IGSF11: variants seen among roughly 807,000 people sequenced by gnomAD.
IGSF11 encodes the protein CXADR like 1.
In IGSF11, 22 loss-of-function variants were observed where a neutral mutation model predicts 41.0. The observed-to-expected ratio is 0.54, with a 90% CI of 0.38 to 0.77. The LOEUF (loss-of-function observed/expected upper bound fraction) is 0.77, where lower values mean the gene tolerates loss of function less well. Among genes scored for constraint, IGSF11 ranks in the 30% least tolerant of loss-of-function variants. IGSF11 has a pLI of 0.00. For synonymous variants in IGSF11, 219 were observed against 201.3 expected (o/e 1.09, Z -0.74); for missense variants, 444 against 530.8 (o/e 0.84, Z 1.61).
At chr3:119,013,252 TC>T (rs1234343622) in intron 1 of IGSF11, 7 of 152,246 alleles carry the variant, frequency 4.6e-5, no homozygotes, top group Admixed American at 1.3e-4. Flanking sequence ...TTGCAAGACT[TC>T]CTTTGGTGAT....
At chr3:118,930,033 T>G in intron 2 of IGSF11, 79 bp downstream of exon 2, 2 of 1,405,044 alleles carry the variant, frequency 1.4e-6, no homozygotes, top group South Asian at 2.8e-5. Context: ...AAACCAAAGA[T>G]GTACTCATGA....
At chr3:119,001,779 T>C (rs1235128573) in intron 1 of IGSF11, among the ~76,000 whole-genome samples, 1 of 149,424 alleles carries the variant, frequency 6.7e-6, no homozygotes. Flanking sequence ...GTTTCATCCA[T>C]GTCCCTACAA....
At chr3:118,920,269 C>T (rs954372090) in intron 4 of IGSF11, among the ~76,000 whole-genome samples, 65 of 138,374 alleles carry the variant, frequency 4.7e-4, no homozygotes, top group African/African-American at 1.7e-3. Flanking sequence ...AAAAAAAAAA[C>T]AATAATGTGT....
chr3:119,019,249 T>G (rs1170515570), intron 1 of IGSF11, among the ~76,000 whole-genome samples: 1 of 151,568 alleles, frequency 6.6e-6, no homozygotes, highest in Non-Finnish European at 1.5e-5. Context: ...CACAGCAAAT[T>G]TTATCAAAAG....
intron 1 of IGSF11, among the ~76,000 whole-genome samples, chr3:119,144,439 C>A (rs1022786828): frequency 6.6e-6 from 1 of 152,022 alleles, no homozygotes; most frequent in South Asian, 2.1e-4. Flanking sequence ...AGATTGAAAC[C>A]ATACAATGTA....
chr3:118,930,925 T>C (rs924633542), intron 1 of IGSF11, among the ~76,000 whole-genome samples: 2 of 152,162 alleles, frequency 1.3e-5, no homozygotes, highest in Non-Finnish European at 2.9e-5. Flanking sequence ...AAAAGAATAC[T>C]GAAAAATAAG....
chr3:119,014,496 C>G (rs140933484), intron 1 of IGSF11, among the ~76,000 whole-genome samples: 7 of 152,236 alleles, frequency 4.6e-5, no homozygotes, highest in Admixed American at 1.3e-4. Context: ...GATGGAAAGA[C>G]AGAGACAGAA....
intron 3 of IGSF11, 134 bp from the exon 4 acceptor site, chr3:118,926,390 A>C: frequency 1.7e-5 from 11 of 657,452 alleles, no homozygotes; most frequent in Non-Finnish European, 2.6e-5. Flanking sequence ...AGACAGACTC[A>C]CCGCCTGAAC....
intron 1 of IGSF11, among the ~76,000 whole-genome samples, chr3:119,118,192 C>T (rs1469242435): frequency 6.6e-6 from 1 of 152,200 alleles, no homozygotes; most frequent in East Asian, 1.9e-4. Flanking sequence ...GAGGCTCTGA[C>T]CCCACATTTC....
intron 1 of IGSF11, among the ~76,000 whole-genome samples, chr3:119,135,190 A>G (rs1188007330): frequency 1.3e-5 from 2 of 152,252 alleles, no homozygotes; most frequent in African/African-American, 2.4e-5. Flanking sequence ...AGCAATGGCA[A>G]CAAAAGCCAA....
intron 1 of IGSF11, among the ~76,000 whole-genome samples, chr3:118,990,328 G>A (rs1185002353): frequency 6.6e-6 from 1 of 152,196 alleles, no homozygotes; most frequent in Non-Finnish European, 1.5e-5. Flanking sequence ...TTATATCAAG[G>A]AAAACAGGCA....
chr3:119,000,002 T>C (rs926291942), intron 1 of IGSF11, among the ~76,000 whole-genome samples: 1 of 151,784 alleles, frequency 6.6e-6, no homozygotes, highest in Admixed American at 6.6e-5. Context: ...ACTCCCACTA[T>C]TCATCCCTCA....
chr3:119,010,281 C>T (rs985764932), intron 1 of IGSF11, among the ~76,000 whole-genome samples: 1 of 152,192 alleles, frequency 6.6e-6, no homozygotes, highest in Admixed American at 6.5e-5. Flanking sequence ...CCCCAGCAAC[C>T]TTCTCACTCC....
Position 119,056,930 on chromosome 3 carries a change from T to C in IGSF11, c.49+48214A>G, listed in dbSNP as rs568772112. Among the ~76,000 whole-genome samples, 6 of 152,330 alleles carry C rather than the reference T, an allele frequency of 3.9e-5. No individual in the cohort carries two copies. The East Asian group carries it at 1.2e-3, about 29-fold the overall frequency. ...TTTGACAAAATTCAACAGCCCTTCA[T>C]GCTAAATATTCTCAATAAATTAGGT... On this transcript the variant is annotated intron_variant, in intron 1 of 6. Coordinates refer to the IGSF11 transcript ENST00000354673.
Position 118,952,681 on chromosome 3 carries a change from C to G in IGSF11, c.53-22406G>C, listed in dbSNP as rs565559241. ...TTGTCAAACTAGGGTATAAATATTACTGGAATTTCCCATGATTTTTTCAGA... is the reference window on the plus strand; with the variant it reads ...TTGTCAAACTAGGGTATAAATATTAGTGGAATTTCCCATGATTTTTTCAGA... On this transcript the variant is annotated intron_variant, in intron 1 of 6. Coordinates refer to ENST00000393775, the MANE Select transcript of IGSF11 (RefSeq NM_001015887.3). Among the ~76,000 whole-genome samples the G allele has an allele frequency of 8.5e-5, 13 of 152,090 alleles. No homozygotes were observed. The East Asian group carries it at 2.3e-3, about 27-fold the overall frequency.
chr3:118,987,636 A>C (rs1354208409), intron 1 of IGSF11, among the ~76,000 whole-genome samples: 3 of 152,252 alleles, frequency 2.0e-5, no homozygotes, highest in Non-Finnish European at 4.4e-5. Context: ...CAAAGAGCCC[A>C]ACATCAGCAG....
intron 1 of IGSF11, among the ~76,000 whole-genome samples, chr3:119,023,587 T>C (rs1179543267): frequency 6.6e-6 from 1 of 152,072 alleles, no homozygotes; most frequent in Non-Finnish European, 1.5e-5. Context: ...ACATATAAAA[T>C]TAGATACATC....
intron 1 of IGSF11, among the ~76,000 whole-genome samples, chr3:119,005,428 CTG>C (rs1937398424): frequency 6.6e-6 from 1 of 151,212 alleles, no homozygotes; most frequent in Admixed American, 6.6e-5. Context: ...ACTCGCCAGT[CTG>C]TGTCTTTTAA....
Position 119,034,836 on chromosome 3 carries a change from G to A in IGSF11, c.-254C>T. 8.1e-7 allele frequency: 1 copy of A among 1,235,332 alleles called. No homozygotes were observed. Among genetic ancestry groups the A allele is most frequent in the South Asian group, 3.6e-5 (1 of 27,756 alleles). 76.5% of individuals were successfully genotyped at this position (1,235,332 alleles called of 1,614,324 possible). ...CTCGCCAGCCGTGCCACCCAGCCCT[G>A]CCCCAGGACTAGCCGACCCCTCGCG... On this transcript the variant is annotated 5_prime_UTR_variant, in exon 1 of 7. Transcript: ENST00000393775.
Sources: allele counts gnomAD v4.1 joint callset (sites outside exome capture counted in the v4.1 genomes callset), GRCh38; gene constraint gnomAD v4.1.1; transcripts MANE v1.5; gene names NCBI Gene and HGNC (gene_info 2026-07-23, HGNC 2026-07-21).